COX11: variants seen among roughly 807,000 people sequenced by gnomAD.
COX11 encodes cytochrome c oxidase assembly protein COX11, mitochondrial.
A neutral mutation model predicts 29.4 loss-of-function variants in COX11; 18 were observed. The ratio of observed to expected loss-of-function variants is 0.61; its 90% CI spans 0.42 to 0.91. COX11 has a LOEUF of 0.91. COX11 is among the 40% of genes least tolerant of loss of function. The pLI is 0.00. For synonymous variants in COX11, 131 were observed against 124.0 expected (o/e 1.06, Z -0.38); for missense variants, 312 against 346.0 (o/e 0.90, Z 0.78).
chr17:54,966,182 A>C (rs1243594893), intron 1 of COX11, among the ~76,000 whole-genome samples: 2 of 152,210 alleles, frequency 1.3e-5, no homozygotes, highest in Admixed American at 1.3e-4. Context: ...TTAAATAAAA[A>C]TACTTTTAAG....
In COX11 at chr17:54,960,493, G is replaced by C; in HGVS notation, c.*2240C>G. On this transcript the variant is annotated 3_prime_UTR_variant, in exon 4 of 4. Coordinates refer to ENST00000299335, the MANE Select transcript of COX11 (RefSeq NM_004375.5). ...AACCAGCTCAATTTTTAATTACAGT[G>C]CTGGCAGTTAAAAACCAAAATAGCA... is the stretch of plus-strand genomic sequence containing the variant. 9.2e-7 allele frequency: 1 copy of C among 1,085,562 alleles called. No individual in the cohort carries two copies. Among genetic ancestry groups the C allele is most frequent in the East Asian group, 2.4e-5 (1 of 42,388 alleles). The allele number at this position is 1,085,562 out of a possible 1,614,324, so 67.2% of individuals were successfully genotyped here.
Position 54,964,837 on chromosome 17 carries a change from C to T in COX11, c.382G>A (p.Gly128Arg), listed in dbSNP as rs750029639. ...RLYCQTTGLG[G>R]SAVAGHASDK... Reference sequence around the variant, plus strand: ...GAGGCATGACCTGCAACTGCTGATCCTCCAAGTCCAGTAGTCTAGAAAAAG... The same window carrying T: ...GAGGCATGACCTGCAACTGCTGATCTTCCAAGTCCAGTAGTCTAGAAAAAG... The change falls in exon 2 of 4, where the codon GGA becomes AGA. Residue 128 changes from glycine (G) to arginine (R), a missense_variant. Around this residue, in one of 2 missense-constraint regions of COX11, gnomAD observed 182 missense variants for 240.0 expected, o/e 0.76. Transcript: ENST00000299335. 43 of 1,612,750 alleles carry T rather than the reference C, an allele frequency of 2.7e-5. No individual in the cohort carries two copies. Among genetic ancestry groups the T allele is most frequent in the Middle Eastern group, 3.8e-4 (2 of 5,234 alleles).
At position 54,968,492 on chromosome 17, in the gene COX11, C is replaced by T; in HGVS notation, c.155G>A (p.Trp52Ter). ...GCTGCAGCGCTTCCATGTCCCAAGCCACCTCAGTCCTCTCTCGGCACCTCC... is the reference window on the plus strand; with the variant it reads ...GCTGCAGCGCTTCCATGTCCCAAGCTACCTCAGTCCTCTCTCGGCACCTCC... ...GTGGAERGLR[W>*]LGTWKRCSLR... The change falls in exon 1 of 4, where the codon TGG (tryptophan) becomes TAG (stop). Residue 52 changes from tryptophan (W) to a stop codon, truncating the protein, a stop_gained. Coordinates refer to ENST00000299335, the MANE Select transcript of COX11 (RefSeq NM_004375.5). LOFTEE classifies it high-confidence loss of function. The T allele has an allele frequency of 6.2e-7, 1 of 1,613,496 alleles. No individual in the cohort carries two copies. Among genetic ancestry groups the T allele is most frequent in the Non-Finnish European group, 8.5e-7 (1 of 1,180,016 alleles).
At chr17:54,957,125 T>A (rs1411987591), downstream of COX11, 1 of 152,216 alleles carries the variant, frequency 6.6e-6, no homozygotes, top group Non-Finnish European at 1.5e-5. Context: ...ACTCCTATAG[T>A]CCCTGGAGAC....
At chr17:54,952,336 CCT>C (rs1829661520) in exon 1 of COX11, 1 of 151,988 alleles carries the variant, frequency 6.6e-6, no homozygotes, top group Admixed American at 6.6e-5. Context: ...CGCAGATCAC[CCT>C]GAATTCAAGA....
chr17:54,967,280 G>C (rs1276264774), intron 1 of COX11, among the ~76,000 whole-genome samples: 1 of 152,082 alleles, frequency 6.6e-6, no homozygotes, highest in African/African-American at 2.4e-5. Context: ...ATGAATTTTG[G>C]GAGCCACTAT....
At chr17:54,967,306 A>T (rs1328052878) in intron 1 of COX11, among the ~76,000 whole-genome samples, 2 of 152,080 alleles carry the variant, frequency 1.3e-5, no homozygotes, top group African/African-American at 2.4e-5. Context: ...ACACTTACTG[A>T]ATCACTTGTG....
rs1455991444 is a variant in COX11 at position 54,961,195 on chromosome 17, G to A, written c.*1538C>T. 2 of 1,293,200 alleles carry A rather than the reference G, an allele frequency of 1.5e-6. No homozygotes were observed. Among genetic ancestry groups the A allele is most frequent in the African/African-American group, 1.5e-5 (1 of 68,230 alleles). The allele number at this position is 1,293,200 out of a possible 1,614,324, so 80.1% of individuals were successfully genotyped here. A position where few individuals can be genotyped will look rare whatever the true frequency, so the allele number is the denominator to read the frequency against. ...TTATCAAGGAATGGGGAAAGAGAAG[G>A]ACAGGATGAATACTGGCCATTTTCT... is the stretch of plus-strand genomic sequence containing the variant. On this transcript the variant is annotated 3_prime_UTR_variant, in exon 4 of 4. Coordinates refer to ENST00000299335, the MANE Select transcript of COX11 (RefSeq NM_004375.5).
chr17:54,953,698 G>C (rs1232474330), exon 1 of COX11: 2 of 152,320 alleles, frequency 1.3e-5, no homozygotes, highest in Non-Finnish European at 2.9e-5. Flanking sequence ...GAAGTAGTCT[G>C]TAGGGCTGCC....
At chr17:54,964,435 A>C in intron 2 of COX11, 1 of 399,992 alleles carries the variant, frequency 2.5e-6, no homozygotes, top group Non-Finnish European at 4.5e-6. Flanking sequence ...TCTAAACTTA[A>C]TTTCAAAATA....
At position 54,962,736 on chromosome 17, in the gene COX11, A is replaced by G. The variant is rs1197308427; in HGVS notation, c.828T>C (p.Asn276=). 4 of 1,610,466 alleles carry G rather than the reference A, an allele frequency of 2.5e-6. No individual in the cohort carries two copies. The highest frequency in any genetic ancestry group is 1.1e-5 in the South Asian group (1 of 90,236). Residue 276 remains asparagine, a synonymous_variant, in exon 4 of 4, where the codon AAT becomes AAC. Coordinates refer to ENST00000299335, the MANE Select transcript of COX11 (RefSeq NM_004375.5). ...EGHKLPVPGY[N] ...AAGGAAGACTTAGTTGCTGACTTCA[A>G]TTATATCCTGGAACTGGCAACTTGT... is the stretch of plus-strand genomic sequence containing the variant.
At position 54,968,124 on chromosome 17, in the gene COX11, G is replaced by C. The variant is rs562067475; in HGVS notation, c.366+157C>G. Among the ~76,000 whole-genome samples, 224 of 151,450 alleles carry C rather than the reference G, an allele frequency of 1.5e-3. 7 individuals are homozygous for C. In the South Asian group the frequency reaches 0.046, roughly 31 times the overall value. On this transcript the variant is annotated intron_variant, in intron 1 of 3. Coordinates refer to ENST00000299335, the MANE Select transcript of COX11 (RefSeq NM_004375.5). ...GTCACCAATTTCTTTGGTGACTTTG[G>C]GTGTTAAGTGACTGTTTTGAACCTC...
intron 3 of COX11, 155 bp downstream of exon 3, chr17:54,963,149 ATC>A (rs368585682): frequency 5.7e-6 from 5 of 877,154 alleles, no homozygotes; most frequent in Non-Finnish European, 1.7e-6. Flanking sequence ...TTGGTTCTCA[ATC>A]TCTGCATAGC....
At chr17:54,968,196 C>T (rs1375686707) in intron 1 of COX11, 85 bp downstream of exon 1, 1 of 1,536,598 alleles carries the variant, frequency 6.5e-7, no homozygotes, top group African/African-American at 1.4e-5. Flanking sequence ...ACCTACGACC[C>T]GCAGAGCGAG....
chr17:54,963,491 C>T, intron 2 of COX11, 60 bp from the exon 3 acceptor site: 1 of 1,516,402 alleles, frequency 6.6e-7, no homozygotes, highest in Non-Finnish European at 8.9e-7. Flanking sequence ...CCTCTTTTCC[C>T]TGCTAAATTA....
Position 54,968,635 on chromosome 17 carries a change from G to A in COX11, c.12C>T (p.Leu4=). The A allele has an allele frequency of 9.9e-6, 16 of 1,612,394 alleles. No homozygotes were observed. Among genetic ancestry groups the A allele is most frequent in the Non-Finnish European group, 1.2e-5 (14 of 1,179,938 alleles). The stretch of plus-strand genomic sequence containing the variant: ...GAACGCACCTCCATCCAGGACGCCA[G>A]AGCCCTCCCATAACCCTCTGAACTA... The part of the protein sequence containing the change: MGG[L]WRPGWRCVPF... Residue 4 remains leucine, a synonymous_variant, in exon 1 of 4, where the codon CTC becomes CTT. Transcript: ENST00000299335.
chr17:54,968,055 G>C (rs2077294602), intron 1 of COX11, among the ~76,000 whole-genome samples: 1 of 141,472 alleles, frequency 7.1e-6, no homozygotes, highest in Admixed American at 7.4e-5. Context: ...TCTGCAGCAT[G>C]GTATAAGCAC....
chr17:54,961,292 G>C lies in COX11; in HGVS notation c.*1441C>G, dbSNP rs1253456929. The C allele has an allele frequency of 6.4e-7, 1 of 1,551,502 alleles. No homozygotes were observed. The highest frequency in any genetic ancestry group is 8.7e-7 in the Non-Finnish European group (1 of 1,146,882). ...AAAGGTGCCAACTCTCTAAAACGTAGACTCTGTGCAGCTTTGAAGCCTGGA... is the reference window on the plus strand; with the variant it reads ...AAAGGTGCCAACTCTCTAAAACGTACACTCTGTGCAGCTTTGAAGCCTGGA... On this transcript the variant is annotated 3_prime_UTR_variant, in exon 4 of 4. Coordinates refer to ENST00000299335, the MANE Select transcript of COX11 (RefSeq NM_004375.5).
chr17:54,964,576 T>C (rs2077185895), intron 2 of COX11, 121 bp downstream of exon 2: 2 of 947,214 alleles, frequency 2.1e-6, no homozygotes, highest in South Asian at 1.5e-5. Context: ...TTTGGAACAA[T>C]GGAAAATGCC....
Sources: allele counts gnomAD v4.1 joint callset (sites outside exome capture counted in the v4.1 genomes callset), GRCh38; gene constraint gnomAD v4.1.1; regional missense constraint gnomAD v4.1.1; transcripts MANE v1.5; gene names NCBI Gene and HGNC (gene_info 2026-07-23, HGNC 2026-07-21).